The following CHCHD3 variants were observed in gnomAD, a reference collection of about 807,000 sequenced individuals.
The protein encoded by CHCHD3 is coiled-coil-helix-coiled-coil-helix domain containing 3, also known as MICOS complex subunit MIC19.
CHCHD3 carries 20 observed loss-of-function variants against 38.2 expected under a neutral mutation model. The observed-to-expected ratio is 0.52, with a 90% CI of 0.37 to 0.76. CHCHD3 has a LOEUF of 0.76. Among genes scored for constraint, CHCHD3 ranks in the 30% least tolerant of loss-of-function variants. The pLI, the probability that CHCHD3 is intolerant of heterozygous loss-of-function variation, is 0.00. For synonymous variants in CHCHD3, 82 were observed against 100.0 expected (o/e 0.82, Z 1.07); for missense variants, 245 against 279.2 (o/e 0.88, Z 0.87).
intron 2 of CHCHD3, among the ~76,000 whole-genome samples, chr7:133,046,103 A>G (rs1438170632): frequency 6.6e-6 from 1 of 152,162 alleles, no homozygotes; most frequent in Non-Finnish European, 1.5e-5. Context: ...TTGTTTGCAT[A>G]TATTTTTGCT....
intron 4 of CHCHD3, among the ~76,000 whole-genome samples, 181 bp from the exon 5 acceptor site, chr7:132,885,926 C>A (rs1385509198): frequency 6.6e-6 from 1 of 152,188 alleles, no homozygotes; most frequent in Non-Finnish European, 1.5e-5. Flanking sequence ...AAGAAGAAGT[C>A]CGCATTGTAT....
chr7:132,947,985 A>C (rs1459654232), intron 4 of CHCHD3, among the ~76,000 whole-genome samples: 2 of 152,148 alleles, frequency 1.3e-5, no homozygotes, highest in African/African-American at 4.8e-5. Context: ...TGAAAGACAC[A>C]ACCATTGGGG....
At chr7:133,002,530 T>G (rs1812600899) in intron 3 of CHCHD3, among the ~76,000 whole-genome samples, 1 of 152,050 alleles carries the variant, frequency 6.6e-6, no homozygotes, top group Admixed American at 6.6e-5. Flanking sequence ...ATTTTATTTG[T>G]AGTTCGTAAC....
intron 2 of CHCHD3, among the ~76,000 whole-genome samples, chr7:133,032,878 T>A (rs56093868): frequency 0.39 from 58,398 of 151,604 alleles, 11,378 homozygotes; most frequent in East Asian, 0.54. Context: ...TTTTTTTGTT[T>A]CAAAAATGAT....
chr7:133,035,385 G>C lies in CHCHD3; in HGVS notation c.170-10758C>G, dbSNP rs1048979620. On this transcript the variant is annotated intron_variant, in intron 2 of 7. Coordinates refer to ENST00000262570, the MANE Select transcript of CHCHD3 (RefSeq NM_017812.4). The surrounding 1 kb of genome is among the most constrained non-coding windows in gnomAD (Gnocchi z 4.7). ...GGTATTGCGAAAGGCCCGGCGGAAA[G>C]AAGGCTCTAGAACCTGCTTATAGAG... 9 of 1,613,368 alleles carry C rather than the reference G, an allele frequency of 5.6e-6. No homozygotes were observed. Among genetic ancestry groups the C allele is most frequent in the Non-Finnish European group, 7.6e-6 (9 of 1,179,432 alleles).
chr7:132,808,773 T>C (rs988246722), intron 6 of CHCHD3, among the ~76,000 whole-genome samples: 6 of 151,792 alleles, frequency 4.0e-5, no homozygotes, highest in African/African-American at 1.5e-4. Context: ...TTAGGGTACA[T>C]GTGCACATTG....
At chr7:132,928,795 G>A (rs1317552738) in intron 4 of CHCHD3, among the ~76,000 whole-genome samples, 3 of 152,150 alleles carry the variant, frequency 2.0e-5, no homozygotes, top group Non-Finnish European at 2.9e-5. Context: ...CCATTCAGGA[G>A]GAATCCTCCC....
At chr7:133,057,849 GATTT>G (rs1209413986) in intron 2 of CHCHD3, among the ~76,000 whole-genome samples, 4 of 151,852 alleles carry the variant, frequency 2.6e-5, no homozygotes, top group African/African-American at 7.3e-5. Flanking sequence ...TTTCTTTAAA[GATTT>G]ATTAAAAAAA....
intron 4 of CHCHD3, among the ~76,000 whole-genome samples, chr7:132,914,753 G>T (rs1426849045): frequency 6.6e-6 from 1 of 152,174 alleles, no homozygotes; most frequent in East Asian, 1.9e-4. Context: ...GTGGCTCAGT[G>T]GGAGGACAGG....
At chr7:133,032,210 C>A (rs1281178198) in intron 2 of CHCHD3, among the ~76,000 whole-genome samples, 1 of 152,148 alleles carries the variant, frequency 6.6e-6, no homozygotes, top group Non-Finnish European at 1.5e-5. Flanking sequence ...ACCAGGCACA[C>A]AGAGAATATA....
At chr7:133,010,394 A>G (rs1812832695) in intron 3 of CHCHD3, among the ~76,000 whole-genome samples, 1 of 152,186 alleles carries the variant, frequency 6.6e-6, no homozygotes, top group African/African-American at 2.4e-5. Context: ...CGCACAGTAC[A>G]CAGTGGACAA....
At chr7:132,925,242 G>GA (rs1052976515) in intron 4 of CHCHD3, among the ~76,000 whole-genome samples, 4 of 149,396 alleles carry the variant, frequency 2.7e-5, no homozygotes, top group East Asian at 1.9e-4. Context: ...TTAAAAAAAA[G>GA]AAAAAAAAAG....
intron 4 of CHCHD3, chr7:132,973,754 T>C (rs142161774): frequency 1.2e-5 from 13 of 1,046,966 alleles, no homozygotes; most frequent in Middle Eastern, 9.1e-4. Flanking sequence ...GAGAAGTGAC[T>C]AAGGTAAAGA....
chr7:133,046,570 T>TG (rs869141368), intron 2 of CHCHD3, among the ~76,000 whole-genome samples: 1,391 of 84,246 alleles, frequency 0.017, 19 homozygotes, highest in African/African-American at 0.05. Context: ...TGTATTTTTT[T>TG]GGGGGGGGGA....
chr7:133,039,779 G>A (rs555612321), intron 2 of CHCHD3, among the ~76,000 whole-genome samples: 1 of 152,310 alleles, frequency 6.6e-6, no homozygotes, highest in East Asian at 1.9e-4. Context: ...CACATGGCTG[G>A]TCAGAAGGAA....
At chr7:133,023,109 A>G (rs1355556026) in intron 3 of CHCHD3, among the ~76,000 whole-genome samples, 1 of 152,088 alleles carries the variant, frequency 6.6e-6, no homozygotes, top group Non-Finnish European at 1.5e-5. Context: ...TGGAATATTT[A>G]AACTTCACTA....
intron 3 of CHCHD3, among the ~76,000 whole-genome samples, chr7:132,985,850 C>G (rs1034727708): frequency 7.4e-6 from 1 of 135,674 alleles, no homozygotes; most frequent in African/African-American, 2.7e-5. Flanking sequence ...CCGGCCGCCC[C>G]TACTGGGAAG....
At chr7:132,873,498 C>A (rs1392004542) in intron 5 of CHCHD3, among the ~76,000 whole-genome samples, 5 of 150,798 alleles carry the variant, frequency 3.3e-5, no homozygotes, top group Admixed American at 2.7e-4. Flanking sequence ...CCTGCAACCT[C>A]TGCCTCCCAG....
intron 5 of CHCHD3, among the ~76,000 whole-genome samples, chr7:132,849,976 C>G (rs1808172761): frequency 6.6e-6 from 1 of 152,120 alleles, no homozygotes; most frequent in South Asian, 2.1e-4. Context: ...GTCAGCCATT[C>G]TATTTTTATG....
Sources: allele counts gnomAD v4.1 joint callset (sites outside exome capture counted in the v4.1 genomes callset), GRCh38; gene constraint gnomAD v4.1.1; non-coding constraint Gnocchi (gnomAD v3.1); transcripts MANE v1.5; gene names NCBI Gene and HGNC (gene_info 2026-07-23, HGNC 2026-07-21).